Variants in WDR41 observed in about 807,000 individuals in gnomAD.
WDR41 encodes WD repeat domain 41, also known as WD repeat-containing protein 41.
WDR41 carries 63 observed loss-of-function variants against 69.3 expected under a neutral mutation model. That is an observed-to-expected ratio of 0.91 (90% CI 0.74 to 1.12). The LOEUF (loss-of-function observed/expected upper bound fraction) is 1.12. Among genes scored for constraint, WDR41 ranks in the 50% most tolerant of loss-of-function variants. The pLI is 0.00. For synonymous variants in WDR41, 185 were observed against 192.1 expected (o/e 0.96, Z 0.31); for missense variants, 543 against 534.5 (o/e 1.02, Z -0.16).
chr5:77,585,122 A>T lies in WDR41; in HGVS notation c.42+35357T>A, dbSNP rs188459148. On this transcript the variant is annotated intron_variant, in intron 1 of 5. Transcript: ENST00000509971. ...AATCTACAACAAACTTAAACAAATC[A>T]GTAAGAAAAAAAAAAAGAACCCATC... Among the ~76,000 whole-genome samples, 3 of 151,992 alleles carry T rather than the reference A, an allele frequency of 2.0e-5. No homozygotes were observed. The East Asian group carries it at 5.8e-4, about 29-fold the overall frequency.
chr5:77,558,618 G>C (rs924122153), intron 1 of WDR41, among the ~76,000 whole-genome samples: 1 of 152,174 alleles, frequency 6.6e-6, no homozygotes, highest in East Asian at 1.9e-4. Flanking sequence ...AACATCCTGA[G>C]ATATGATTAA....
At chr5:77,470,039 T>G (rs1422595103) in intron 2 of WDR41, among the ~76,000 whole-genome samples, 1 of 149,626 alleles carries the variant, frequency 6.7e-6, no homozygotes, top group Non-Finnish European at 1.5e-5. Flanking sequence ...AAAGGTCGGG[T>G]TACCCACGAA....
chr5:77,523,790 C>T (rs1802408160), intron 1 of WDR41, among the ~76,000 whole-genome samples: 1 of 152,080 alleles, frequency 6.6e-6, no homozygotes, highest in South Asian at 2.1e-4. Context: ...TTCAATAAGA[C>T]AATTTTGAAC....
At chr5:77,614,809 TA>T (rs201093450) in intron 1 of WDR41, among the ~76,000 whole-genome samples, 23 of 147,710 alleles carry the variant, frequency 1.6e-4, no homozygotes, top group Admixed American at 3.4e-4. Context: ...AATAATAAAA[TA>T]AAAAAAAAGA....
chr5:77,554,421 G>A (rs1260040740), intron 1 of WDR41, among the ~76,000 whole-genome samples: 1 of 152,000 alleles, frequency 6.6e-6, no homozygotes, highest in African/African-American at 2.4e-5. Context: ...GAGCCCTCGT[G>A]AATAGGATTA....
At chr5:77,484,172 C>T (rs925167603) in intron 2 of WDR41, among the ~76,000 whole-genome samples, 2 of 152,160 alleles carry the variant, frequency 1.3e-5, no homozygotes, top group African/African-American at 4.8e-5. Flanking sequence ...GTTTCACTCA[C>T]TCCTGTCATC....
Position 77,444,831 on chromosome 5 carries a change from C to T in WDR41, c.698-3834G>A, listed in dbSNP as rs552754808. Among the ~76,000 whole-genome samples the T allele has an allele frequency of 1.8e-4, 27 of 152,306 alleles. No individual in the cohort carries two copies. The South Asian group carries it at 2.9e-3, about 16-fold the overall frequency. On this transcript the variant is annotated intron_variant, in intron 8 of 12. Coordinates refer to ENST00000296679, the MANE Select transcript of WDR41 (RefSeq NM_018268.4). ...CTTGGTCATGTTTGATTCCTAAATA[C>T]GCCTTTGGCTTATTTATTATCTGTA...
Position 77,551,076 on chromosome 5 carries a change from G to A in WDR41, c.43-61504C>T, listed in dbSNP as rs150827544. Among the ~76,000 whole-genome samples, 25 of 152,246 alleles carry A rather than the reference G, an allele frequency of 1.6e-4. No individual in the cohort carries two copies. In the East Asian group the frequency reaches 4.8e-3, roughly 29 times the overall value. ...AGGAAGGAGAGAGAGAGGGGAGTAAGGGCTGAAAAGTACTAGGCTATTGAG... is the reference window on the plus strand; with the variant it reads ...AGGAAGGAGAGAGAGAGGGGAGTAAAGGCTGAAAAGTACTAGGCTATTGAG... On this transcript the variant is annotated intron_variant, in intron 1 of 5. Coordinates refer to the WDR41 transcript ENST00000509971.
intron 1 of WDR41, among the ~76,000 whole-genome samples, chr5:77,523,734 G>A (rs1802406975): frequency 6.6e-6 from 1 of 152,040 alleles, no homozygotes; most frequent in Non-Finnish European, 1.5e-5. Context: ...CCATAACCAT[G>A]CCGAAAAGAA....
intron 1 of WDR41, among the ~76,000 whole-genome samples, chr5:77,515,890 G>A (rs1278329932): frequency 6.6e-6 from 1 of 152,138 alleles, no homozygotes; most frequent in Admixed American, 6.5e-5. Context: ...CAATATATGT[G>A]ATTATACTTT....
At chr5:77,463,512 A>G (rs1370890479) in intron 3 of WDR41, among the ~76,000 whole-genome samples, 1 of 152,132 alleles carries the variant, frequency 6.6e-6, no homozygotes, top group African/African-American at 2.4e-5. Flanking sequence ...GTGTAAATTA[A>G]GCATAAAAAC....
chr5:77,450,699 C>A (rs914127565), intron 7 of WDR41, among the ~76,000 whole-genome samples: 13 of 152,126 alleles, frequency 8.5e-5, no homozygotes, highest in Non-Finnish European at 1.6e-4. Flanking sequence ...TAAAAATACA[C>A]CACTGGACCA....
At chr5:77,527,550 C>T (rs918199640) in intron 1 of WDR41, among the ~76,000 whole-genome samples, 1 of 151,766 alleles carries the variant, frequency 6.6e-6, no homozygotes, top group African/African-American at 2.4e-5. Context: ...TGAATAGAAG[C>T]TGATAGAATA....
At chr5:77,594,129 G>A (rs2112311814) in intron 1 of WDR41, among the ~76,000 whole-genome samples, 1 of 151,972 alleles carries the variant, frequency 6.6e-6, no homozygotes, top group African/African-American at 2.4e-5. Flanking sequence ...CATGGATGAA[G>A]CTGGAAACCA....
chr5:77,597,851 C>A (rs947604204), intron 1 of WDR41, among the ~76,000 whole-genome samples: 1 of 152,110 alleles, frequency 6.6e-6, no homozygotes, highest in Non-Finnish European at 1.5e-5. Context: ...AGAGAGGTTA[C>A]AATCATTTTC....
At chr5:77,600,619 C>T (rs1407560987) in intron 1 of WDR41, among the ~76,000 whole-genome samples, 5 of 152,088 alleles carry the variant, frequency 3.3e-5, no homozygotes, top group Admixed American at 6.6e-5. Context: ...CAGTGGCTCA[C>T]GCCTATAATC....
At chr5:77,482,070 T>C (rs1381508343) in intron 2 of WDR41, among the ~76,000 whole-genome samples, 3 of 152,200 alleles carry the variant, frequency 2.0e-5, no homozygotes, top group Non-Finnish European at 4.4e-5. Flanking sequence ...TTACGGAGAA[T>C]TTAAATATAT....
At chr5:77,512,453 T>C (rs1314626889) in intron 1 of WDR41, among the ~76,000 whole-genome samples, 1 of 150,690 alleles carries the variant, frequency 6.6e-6, no homozygotes, top group African/African-American at 2.4e-5. Context: ...TCTTTGGACA[T>C]AAAATTCGTC....
intron 1 of WDR41, among the ~76,000 whole-genome samples, chr5:77,497,364 C>G (rs1342074245): frequency 6.6e-6 from 1 of 151,988 alleles, no homozygotes; most frequent in Non-Finnish European, 1.5e-5. Context: ...GAAGTGATAC[C>G]TGTAATATAT....
Sources: allele counts gnomAD v4.1 joint callset (sites outside exome capture counted in the v4.1 genomes callset), GRCh38; gene constraint gnomAD v4.1.1; transcripts MANE v1.5; gene names NCBI Gene and HGNC (gene_info 2026-07-23, HGNC 2026-07-21).